Variants in FSTL4 observed in about 807,000 individuals in gnomAD.
The protein encoded by FSTL4 is follistatin like 4, also known as follistatin-related protein 4.
FSTL4 carries 28 observed loss-of-function variants against 78.2 expected under a neutral mutation model. The ratio of observed to expected loss-of-function variants is 0.36; its 90% CI spans 0.27 to 0.49. The LOEUF is 0.49. Among genes scored for constraint, FSTL4 ranks in the 20% least tolerant of loss-of-function variants. The pLI is 0.98. For synonymous variants in FSTL4, 422 were observed against 440.5 expected, an observed-to-expected ratio of 0.96 and a Z score of 0.53; for missense variants, 922 against 1,084.9, an observed-to-expected ratio of 0.85 and a Z score of 2.11.
At chr5:133,799,987 T>A in the FSTL4 span, among the ~76,000 whole-genome samples, 2 of 139,198 alleles carry the variant, frequency 1.4e-5, 1 homozygote, top group Non-Finnish European at 3.2e-5. Context: ...CCCTGCCTGC[T>A]GGAGGAAAGC....
chr5:133,557,808 A>T (rs759498027), intron 3 of FSTL4, among the ~76,000 whole-genome samples: 1 of 152,206 alleles, frequency 6.6e-6, no homozygotes, highest in Non-Finnish European at 1.5e-5. Context: ...ATCCAATTAC[A>T]TAAGCCATAA....
chr5:133,787,032 C>T, the FSTL4 span, among the ~76,000 whole-genome samples: 1 of 152,170 alleles, frequency 6.6e-6, no homozygotes, highest in Non-Finnish European at 1.5e-5. Context: ...TTCCCAACCC[C>T]TGCACCACCC....
the FSTL4 span, among the ~76,000 whole-genome samples, chr5:133,838,563 C>G: frequency 6.6e-6 from 1 of 152,168 alleles, no homozygotes; most frequent in Non-Finnish European, 1.5e-5. Flanking sequence ...TGTCTGGTAC[C>G]CAGTCTGGAA....
the FSTL4 span, among the ~76,000 whole-genome samples, chr5:133,825,985 T>C: frequency 6.6e-6 from 1 of 152,136 alleles, no homozygotes; most frequent in African/African-American, 2.4e-5. Context: ...GCAGAAGGGG[T>C]GTGCCACTTC....
chr5:133,829,128 G>A, the FSTL4 span, among the ~76,000 whole-genome samples: 3 of 152,162 alleles, frequency 2.0e-5, no homozygotes, highest in Non-Finnish European at 4.4e-5. Context: ...GGTGCCTCAC[G>A]CCTGTAATCC....
chr5:133,300,273 C>T (rs1753504325), intron 6 of FSTL4, among the ~76,000 whole-genome samples: 1 of 152,210 alleles, frequency 6.6e-6, no homozygotes, highest in South Asian at 2.1e-4. Context: ...CTGCTTGTTA[C>T]CAAGTCTGCT....
chr5:133,598,032 C>A (rs1159107380), intron 2 of FSTL4, among the ~76,000 whole-genome samples: 1 of 152,144 alleles, frequency 6.6e-6, no homozygotes, highest in African/African-American at 2.4e-5. Context: ...GTGCAAATGA[C>A]CCTAGAACCA....
At chr5:133,403,678 A>G (rs576619227) in intron 3 of FSTL4, among the ~76,000 whole-genome samples, 29 of 152,238 alleles carry the variant, frequency 1.9e-4, no homozygotes, top group Non-Finnish European at 2.9e-5. Context: ...AAGTGGAAGG[A>G]TGGAGGTATG....
chr5:133,475,064 G>A (rs1423529460), intron 3 of FSTL4, among the ~76,000 whole-genome samples: 2 of 152,226 alleles, frequency 1.3e-5, no homozygotes, highest in East Asian at 1.9e-4. Context: ...TGAGCCTCGT[G>A]TGCAGCCCAG....
chr5:133,816,915 A>G, the FSTL4 span, among the ~76,000 whole-genome samples: 1 of 152,146 alleles, frequency 6.6e-6, no homozygotes, highest in African/African-American at 2.4e-5. Flanking sequence ...ACTGGGAGGA[A>G]GCGGCAGGGA....
At chr5:133,413,933 A>T (rs11740942) in intron 3 of FSTL4, among the ~76,000 whole-genome samples, 25,225 of 152,022 alleles carry the variant, frequency 0.17, 2,355 homozygotes, top group Non-Finnish European at 0.21. Context: ...TTTAATTTTT[A>T]AAAAATATTA....
chr5:133,731,536 C>T, the FSTL4 span, among the ~76,000 whole-genome samples: 149,727 of 152,256 alleles, frequency 0.98, 73,635 homozygotes, highest in East Asian at 1. Context: ...GGGAGGGAGG[C>T]TTCTTAGAGA....
At chr5:133,516,125 C>G (rs1304733384) in intron 3 of FSTL4, among the ~76,000 whole-genome samples, 3 of 151,782 alleles carry the variant, frequency 2.0e-5, no homozygotes, top group Admixed American at 6.6e-5. Flanking sequence ...TTTTAATGAA[C>G]CACTTAGGAG....
At chr5:133,227,576 A>G (rs1245566561) in intron 8 of FSTL4, among the ~76,000 whole-genome samples, 1 of 152,222 alleles carries the variant, frequency 6.6e-6, no homozygotes, top group African/African-American at 2.4e-5. Context: ...GGTAGCATAG[A>G]GCCACCAGAG....
chr5:133,532,350 A>G (rs1759271205), intron 3 of FSTL4, among the ~76,000 whole-genome samples: 2 of 152,242 alleles, frequency 1.3e-5, no homozygotes, highest in African/African-American at 2.4e-5. Flanking sequence ...AATGCCCCAC[A>G]TTATCCCCTC....
chr5:133,391,683 C>T (rs538029392), intron 4 of FSTL4, among the ~76,000 whole-genome samples: 13 of 152,308 alleles, frequency 8.5e-5, no homozygotes, highest in East Asian at 1.9e-4. Context: ...CCCCCAAACA[C>T]GCTAGGCAAG....
At chr5:133,665,410 G>C in the FSTL4 span, among the ~76,000 whole-genome samples, 3 of 152,210 alleles carry the variant, frequency 2.0e-5, no homozygotes, top group Non-Finnish European at 4.4e-5. Context: ...CCTGGGCCTG[G>C]ATGTTAACAC....
At chr5:133,366,667 C>A (rs1053523045) in intron 4 of FSTL4, among the ~76,000 whole-genome samples, 13 of 151,862 alleles carry the variant, frequency 8.6e-5, no homozygotes, top group African/African-American at 3.1e-4. Context: ...TCTGGTGACT[C>A]AAGAAGTCAG....
intron 7 of FSTL4, chr5:133,248,472 G>T (rs1369419977): frequency 6.6e-6 from 1 of 152,182 alleles, no homozygotes; most frequent in Non-Finnish European, 1.5e-5. Context: ...CACTACATGG[G>T]TGACATCACT....
Sources: gnomAD v4.1 joint callset for allele counts (sites outside exome capture counted in the v4.1 genomes callset) on GRCh38, gnomAD v4.1.1 for gene constraint, MANE v1.5 for transcripts, NCBI Gene and HGNC (gene_info 2026-07-23, HGNC 2026-07-21) for gene names.